TNS1: variants seen among roughly 807,000 people sequenced by gnomAD.
TNS1 encodes tensin-1.
TNS1 carries 62 observed loss-of-function variants against 168.6 expected under a neutral mutation model. The ratio of observed to expected loss-of-function variants is 0.37; its 90% CI spans 0.30 to 0.45. TNS1 has a LOEUF of 0.45. TNS1 is among the 20% of genes least tolerant of loss of function. TNS1 has a pLI of 1.00. For missense variants in TNS1, 2,240 were observed against 2,339.4 expected (o/e 0.96, Z 0.88); for synonymous variants, 934 against 933.2 (o/e 1.00, Z -0.02).
upstream of TNS1, among the ~76,000 whole-genome samples, chr2:218,005,131 C>T (rs1319275819): frequency 6.6e-6 from 1 of 152,252 alleles, no homozygotes; most frequent in Non-Finnish European, 1.5e-5. Flanking sequence ...CCAGTGCCCA[C>T]TCACACCAAG....
intron 1 of TNS1, among the ~76,000 whole-genome samples, 180 bp from the exon 2 acceptor site, chr2:217,991,236 A>T (rs894337095): frequency 6.6e-6 from 1 of 152,112 alleles, no homozygotes; most frequent in African/African-American, 2.4e-5. Flanking sequence ...CAGGATGTTC[A>T]TCCCAGACTC....
chr2:217,997,316 T>A (rs1958489005), intron 1 of TNS1, among the ~76,000 whole-genome samples: 1 of 152,186 alleles, frequency 6.6e-6, no homozygotes, highest in Non-Finnish European at 1.5e-5. Context: ...CCCAAGAATG[T>A]CCATGAGAGC....
At chr2:217,845,061 A>C (rs894984613) in intron 19 of TNS1, among the ~76,000 whole-genome samples, 1 of 152,232 alleles carries the variant, frequency 6.6e-6, no homozygotes, top group African/African-American at 2.4e-5. Context: ...CCCTTTATCA[A>C]ATTAGAAAAC....
At chr2:217,908,198 G>T (rs1953932576) in intron 4 of TNS1, among the ~76,000 whole-genome samples, 1 of 152,134 alleles carries the variant, frequency 6.6e-6, no homozygotes, top group South Asian at 2.1e-4. Context: ...ACTCCTGTTG[G>T]CTGATCCCAT....
intron 28 of TNS1, 47 bp from the exon 29 acceptor site, chr2:217,810,366 A>G (rs756037379): frequency 6.3e-7 from 1 of 1,599,498 alleles, no homozygotes; most frequent in African/African-American, 1.3e-5. Context: ...GCTGGAAAGA[A>G]GCACAAGTTT....
chr2:217,908,779 G>C (rs906747089), intron 4 of TNS1, among the ~76,000 whole-genome samples: 3 of 152,114 alleles, frequency 2.0e-5, no homozygotes, highest in African/African-American at 4.8e-5. Flanking sequence ...AGCTGGGGAC[G>C]GTAGAGGGAC....
intron 1 of TNS1, among the ~76,000 whole-genome samples, chr2:218,019,087 G>GA (rs1958785060): frequency 6.7e-6 from 1 of 148,426 alleles, no homozygotes; most frequent in African/African-American, 2.5e-5. Context: ...CCAAAAAAAA[G>GA]AAAAAACAAA....
chr2:217,878,135 T>A (rs115963975), intron 18 of TNS1, among the ~76,000 whole-genome samples: 2,095 of 152,340 alleles, frequency 0.014, 32 homozygotes, highest in African/African-American at 0.047. Context: ...GGCTCAGCTG[T>A]TGCCTGCACT....
chr2:217,872,027 T>A (rs764290170), intron 18 of TNS1, among the ~76,000 whole-genome samples: 1 of 152,264 alleles, frequency 6.6e-6, no homozygotes, highest in Non-Finnish European at 1.5e-5. Context: ...GTTGGAATCC[T>A]GCCTTCACCA....
chr2:217,912,745 C>T (rs537838067), intron 4 of TNS1, among the ~76,000 whole-genome samples: 163 of 152,222 alleles, frequency 1.1e-3, no homozygotes, highest in African/African-American at 3.6e-3. Flanking sequence ...GTTAGAGGTG[C>T]GGCCCCATTT....
At chr2:217,969,065 T>A (rs1307231113) in intron 3 of TNS1, among the ~76,000 whole-genome samples, 1 of 152,150 alleles carries the variant, frequency 6.6e-6, no homozygotes, top group Non-Finnish European at 1.5e-5. Context: ...CCTATCAGAA[T>A]TCCAACTGGC....
chr2:217,920,821 T>C (rs1470991467), intron 3 of TNS1, among the ~76,000 whole-genome samples: 1 of 152,068 alleles, frequency 6.6e-6, no homozygotes, highest in Non-Finnish European at 1.5e-5. Flanking sequence ...GCCATGAGTG[T>C]GGCTAACACA....
chr2:217,837,646 C>A (rs1043663627), intron 19 of TNS1, among the ~76,000 whole-genome samples: 4 of 152,258 alleles, frequency 2.6e-5, no homozygotes, highest in African/African-American at 9.6e-5. Flanking sequence ...TAATCAGGGG[C>A]AGCCCTGCTG....
chr2:217,888,143 C>T (rs895886432), intron 12 of TNS1, among the ~76,000 whole-genome samples: 6 of 152,240 alleles, frequency 3.9e-5, no homozygotes, highest in African/African-American at 1.4e-4. Flanking sequence ...TGCCCCATTA[C>T]TCAAGCCGGA....
At chr2:217,910,196 T>C (rs977097758) in intron 4 of TNS1, among the ~76,000 whole-genome samples, 18 of 152,254 alleles carry the variant, frequency 1.2e-4, no homozygotes, top group African/African-American at 4.3e-4. Context: ...CCAGTGATCA[T>C]CTGAGCACCA....
upstream of TNS1, among the ~76,000 whole-genome samples, chr2:218,006,419 T>G (rs1032384020): frequency 1.3e-5 from 2 of 152,206 alleles, no homozygotes; most frequent in African/African-American, 2.4e-5. Flanking sequence ...AATTCACTCT[T>G]CCTTTCCTTT....
chr2:217,903,914 G>C (rs1040994384), intron 6 of TNS1: 2 of 409,604 alleles, frequency 4.9e-6, no homozygotes, highest in Non-Finnish European at 4.3e-6. Flanking sequence ...TTGAAGCAAT[G>C]CCTCTGTGGG....
chr2:217,817,060 G>A (rs1304573561), intron 24 of TNS1, among the ~76,000 whole-genome samples: 1 of 152,224 alleles, frequency 6.6e-6, no homozygotes, highest in East Asian at 1.9e-4. Flanking sequence ...TCTACGAGGA[G>A]TGATGTGGCA....
chr2:217,805,245 G>GAAC (rs1442777572), intron 32 of TNS1, among the ~76,000 whole-genome samples: 3 of 151,688 alleles, frequency 2.0e-5, no homozygotes, highest in Admixed American at 1.3e-4. Context: ...TGAGGGCAGA[G>GAAC]AACAGAATGT....
Sources: gnomAD v4.1 joint callset for allele counts (sites outside exome capture counted in the v4.1 genomes callset) on GRCh38, gnomAD v4.1.1 for gene constraint, MANE v1.5 for transcripts, NCBI Gene and HGNC (gene_info 2026-07-23, HGNC 2026-07-21) for gene names.